Variants in ARL15 observed in about 807,000 individuals in gnomAD.
The protein encoded by ARL15 is ARF like GTPase 15.
A neutral mutation model predicts 25.2 loss-of-function variants in ARL15; 19 were observed. The observed-to-expected ratio is 0.75, with a 90% confidence interval of 0.53 to 1.10. The LOEUF (loss-of-function observed/expected upper bound fraction) is 1.10. ARL15 is among the 50% of genes least tolerant of loss of function. The pLI is 0.00. For missense variants in ARL15, 220 were observed against 246.0 expected (o/e 0.89, Z 0.71); for synonymous variants, 94 against 86.8 (o/e 1.08, Z -0.46).
At chr5:54,029,311 C>A (rs1749888172) in intron 4 of ARL15, among the ~76,000 whole-genome samples, 1 of 116,690 alleles carries the variant, frequency 8.6e-6, no homozygotes, top group Non-Finnish European at 1.8e-5. Flanking sequence ...ACAGTTACCA[C>A]CACCACCACC....
rs1360381158 is a variant in ARL15 at position 53,947,216 on chromosome 5, G to GTGTGTGTC, written c.463-60504_463-60503insGACACACA. On this transcript the variant is annotated intron_variant, in intron 4 of 4. Transcript: ENST00000504924. ...TGTGTGTGTGTGTGTGTGTGTGTGT[G>GTGTGTGTC]TGTGTTGAGGGCTGGGAGAGAAGGA... Among the ~76,000 whole-genome samples the GTGTGTGTC allele has an allele frequency of 3.8e-3, 510 of 134,918 alleles. 1 individual carries two copies. Among genetic ancestry groups the GTGTGTGTC allele is most frequent in the Admixed American group, 6.8e-3 (92 of 13,576 alleles). 88.5% of individuals were successfully genotyped at this position (134,918 alleles called of 152,430 possible). A position where few individuals can be genotyped will look rare whatever the true frequency, so the allele number is the denominator to read the frequency against.
At chr5:54,131,311 C>T (rs1037039400) in intron 3 of ARL15, among the ~76,000 whole-genome samples, 1 of 152,196 alleles carries the variant, frequency 6.6e-6, no homozygotes, top group Non-Finnish European at 1.5e-5. Context: ...AACGTTTACA[C>T]TGGTCAAAAT....
chr5:54,050,610 T>C (rs1015638860), intron 4 of ARL15, among the ~76,000 whole-genome samples: 1 of 152,182 alleles, frequency 6.6e-6, no homozygotes, highest in South Asian at 2.1e-4. Flanking sequence ...ATTATGTGCG[T>C]GTGTCTAAAA....
At chr5:53,958,909 A>G (rs538712031) in intron 4 of ARL15, among the ~76,000 whole-genome samples, 46 of 152,348 alleles carry the variant, frequency 3.0e-4, no homozygotes, top group Admixed American at 7.8e-4. Context: ...AAGTATATGA[A>G]GCCAACATTT....
At chr5:54,116,793 T>A (rs993886981) in intron 3 of ARL15, among the ~76,000 whole-genome samples, 1 of 152,126 alleles carries the variant, frequency 6.6e-6, no homozygotes, top group Non-Finnish European at 1.5e-5. Flanking sequence ...CACAAAACGA[T>A]TATGTAACTT....
At chr5:54,227,592 T>A (rs79391125) in intron 1 of ARL15, among the ~76,000 whole-genome samples, 1,619 of 152,288 alleles carry the variant, frequency 0.011, 31 homozygotes, top group African/African-American at 0.037. Context: ...AAGGGCCAGA[T>A]GCACAGGAGA....
chr5:54,031,371 C>A (rs772468669), intron 4 of ARL15, among the ~76,000 whole-genome samples: 1 of 152,016 alleles, frequency 6.6e-6, no homozygotes, highest in Non-Finnish European at 1.5e-5. Flanking sequence ...GATGAATAGA[C>A]GACATTCTAT....
At chr5:54,180,622 G>C (rs528445790) in intron 1 of ARL15, among the ~76,000 whole-genome samples, 75 of 152,294 alleles carry the variant, frequency 4.9e-4, no homozygotes, top group Non-Finnish European at 7.4e-4. Flanking sequence ...TGGGCTGCTG[G>C]GAGCACACAG....
At chr5:54,161,152 C>A (rs1332055698) in intron 2 of ARL15, among the ~76,000 whole-genome samples, 1 of 151,984 alleles carries the variant, frequency 6.6e-6, no homozygotes, top group Non-Finnish European at 1.5e-5. Context: ...GATCAAGTTA[C>A]CATAATGTAA....
intron 4 of ARL15, among the ~76,000 whole-genome samples, chr5:53,962,358 C>A (rs66505436): frequency 0.32 from 48,120 of 151,896 alleles, 7,943 homozygotes; most frequent in Middle Eastern, 0.37. Context: ...TATAATATAA[C>A]ATATCTGGAA....
At chr5:53,947,610 G>A (rs988115280) in intron 4 of ARL15, among the ~76,000 whole-genome samples, 8 of 152,218 alleles carry the variant, frequency 5.3e-5, no homozygotes, top group African/African-American at 1.4e-4. Context: ...ATCCCAGCAC[G>A]CAGCCCAGCT....
chr5:53,889,139 AT>A (rs1181837766), intron 4 of ARL15, among the ~76,000 whole-genome samples: 1 of 151,928 alleles, frequency 6.6e-6, no homozygotes, highest in Admixed American at 6.6e-5. Flanking sequence ...AAAATAATAA[AT>A]AATAATAATA....
At position 54,177,654 on chromosome 5, in the gene ARL15, T is replaced by C. The variant is rs148113358; in HGVS notation, c.49-5726A>G. On this transcript the variant is annotated intron_variant, in intron 1 of 4. Transcript: ENST00000504924. Reference sequence around the variant, plus strand: ...TGATGAATAACCCCTCATGTCAACATTGCAAAGCACTAATCAAGCATTTAA... The same window carrying C: ...TGATGAATAACCCCTCATGTCAACACTGCAAAGCACTAATCAAGCATTTAA... Among the ~76,000 whole-genome samples, 217 of 152,304 alleles carry C rather than the reference T, an allele frequency of 1.4e-3. 1 individual carries two copies. The Middle Eastern group carries it at 0.024, about 17-fold the overall frequency.
chr5:53,972,485 A>G (rs946206570), intron 4 of ARL15, among the ~76,000 whole-genome samples: 2 of 152,160 alleles, frequency 1.3e-5, no homozygotes, highest in Non-Finnish European at 2.9e-5. Flanking sequence ...AAGTCATTTA[A>G]TCTTTCCGGG....
chr5:54,191,945 T>C (rs1186913062), intron 1 of ARL15, among the ~76,000 whole-genome samples: 1 of 152,092 alleles, frequency 6.6e-6, no homozygotes, highest in Admixed American at 6.6e-5. Context: ...AAAGGTCCTA[T>C]AAAATCTGCC....
chr5:53,969,108 G>A (rs185575512), intron 4 of ARL15, among the ~76,000 whole-genome samples: 6 of 152,124 alleles, frequency 3.9e-5, no homozygotes, highest in African/African-American at 7.2e-5. Flanking sequence ...CCGAGATCGC[G>A]CCACTACACT....
In ARL15 at chr5:53,963,916, T is replaced by A. The variant is rs184279325; in HGVS notation, c.463-77203A>T. ...ATTGCCACGAGAATTCTGGAAATAG[T>A]TAATTCTTCTCAGCAATAAATTTGC... On this transcript the variant is annotated intron_variant, in intron 4 of 4. Coordinates refer to ENST00000504924, the MANE Select transcript of ARL15 (RefSeq NM_019087.3). 5.0e-4 allele frequency among the ~76,000 whole-genome samples: 76 copies of A among 152,058 alleles called. 1 individual carries two copies. The East Asian group carries it at 0.012, about 25-fold the overall frequency.
chr5:53,898,710 A>G (rs1252115365), intron 4 of ARL15, among the ~76,000 whole-genome samples: 2 of 151,486 alleles, frequency 1.3e-5, no homozygotes, highest in African/African-American at 4.9e-5. Flanking sequence ...TAGTGACACT[A>G]TCATGGCTCA....
chr5:53,962,896 C>T (rs2112155205), intron 4 of ARL15, among the ~76,000 whole-genome samples: 1 of 151,958 alleles, frequency 6.6e-6, no homozygotes, highest in East Asian at 1.9e-4. Context: ...GGCTGTAAAA[C>T]TAATCTCAGC....
Sources: allele counts gnomAD v4.1 joint callset (sites outside exome capture counted in the v4.1 genomes callset), GRCh38; gene constraint gnomAD v4.1.1; transcripts MANE v1.5; gene names NCBI Gene and HGNC (gene_info 2026-07-23, HGNC 2026-07-21).